KCNN2: variants seen among roughly 807,000 people sequenced by gnomAD.
KCNN2 encodes small conductance calcium-activated potassium channel protein 2.
A neutral mutation model predicts 55.5 loss-of-function variants in KCNN2; 24 were observed. That is an observed-to-expected ratio of 0.43 (90% CI 0.31 to 0.61). KCNN2 has a LOEUF of 0.61. KCNN2 is among the 20% of genes least tolerant of loss of function. KCNN2 has a pLI of 0.08. For missense variants in KCNN2, 754 were observed against 853.6 expected (o/e 0.88, Z 1.45); for synonymous variants, 431 against 336.1 (o/e 1.28, Z -3.09).
chr5:114,365,760 C>G (rs1242608328), intron 2 of KCNN2, among the ~76,000 whole-genome samples: 1 of 152,220 alleles, frequency 6.6e-6, no homozygotes, highest in Non-Finnish European at 1.5e-5. Flanking sequence ...AATGTTCTTA[C>G]ATATTTTTAA....
chr5:114,429,596 A>G (rs951756464), intron 3 of KCNN2, among the ~76,000 whole-genome samples: 1 of 152,026 alleles, frequency 6.6e-6, no homozygotes, highest in African/African-American at 2.4e-5. Flanking sequence ...AGAAGCTTTT[A>G]AGTTTAATGA....
intron 2 of KCNN2, among the ~76,000 whole-genome samples, chr5:114,239,040 G>A (rs1754566392): frequency 1.3e-5 from 2 of 152,164 alleles, no homozygotes; most frequent in Non-Finnish European, 2.9e-5. Context: ...TTATGTTGAT[G>A]AGGATAGGAA....
At chr5:114,453,456 A>T (rs2150106903) in intron 3 of KCNN2, among the ~76,000 whole-genome samples, 1 of 152,336 alleles carries the variant, frequency 6.6e-6, no homozygotes, top group Non-Finnish European at 1.5e-5. Context: ...CCTGGTATTT[A>T]AAAATTTACA....
At chr5:114,390,713 C>T (rs906783384) in intron 2 of KCNN2, among the ~76,000 whole-genome samples, 4 of 152,094 alleles carry the variant, frequency 2.6e-5, no homozygotes, top group Non-Finnish European at 5.9e-5. Context: ...ATAATCCATA[C>T]ACCACAGTGC....
At chr5:114,273,735 A>G (rs552991443) in intron 2 of KCNN2, among the ~76,000 whole-genome samples, 1 of 152,114 alleles carries the variant, frequency 6.6e-6, no homozygotes, top group Non-Finnish European at 1.5e-5. Flanking sequence ...TTCTTTGTAG[A>G]TTCTGGATAT....
chr5:114,195,376 G>C (rs1580608608), intron 1 of KCNN2, among the ~76,000 whole-genome samples: 1 of 151,874 alleles, frequency 6.6e-6, no homozygotes, highest in Non-Finnish European at 1.5e-5. Flanking sequence ...AACAATATTT[G>C]TAGTTTTAAG....
chr5:114,330,350 T>A (rs897716462), intron 2 of KCNN2, among the ~76,000 whole-genome samples: 3 of 152,098 alleles, frequency 2.0e-5, no homozygotes, highest in African/African-American at 4.8e-5. Context: ...GTACTCCACA[T>A]GTTTTCCATT....
chr5:114,300,558 A>G (rs920759752), intron 2 of KCNN2, among the ~76,000 whole-genome samples: 15 of 152,238 alleles, frequency 9.9e-5, no homozygotes, highest in African/African-American at 3.6e-4. Context: ...TCATAAATGT[A>G]GTGAGACCAG....
At chr5:114,232,361 T>C (rs761790122) in intron 2 of KCNN2, among the ~76,000 whole-genome samples, 38 of 151,282 alleles carry the variant, frequency 2.5e-4, no homozygotes, top group Non-Finnish European at 3.4e-4. Context: ...AATCATATAG[T>C]ACTTTCTTCT....
intron 1 of KCNN2, among the ~76,000 whole-genome samples, chr5:114,057,524 C>G (rs1236532069): frequency 6.6e-6 from 1 of 152,222 alleles, no homozygotes; most frequent in Non-Finnish European, 1.5e-5. Context: ...CCCTCTGTGC[C>G]AGGTGCTGTG....
intron 3 of KCNN2, among the ~76,000 whole-genome samples, chr5:114,450,089 C>T (rs972886009): frequency 3.9e-5 from 6 of 152,146 alleles, no homozygotes; most frequent in Admixed American, 6.5e-5. Context: ...AGTGACTGCC[C>T]GCCACACCGT....
intron 1 of KCNN2, among the ~76,000 whole-genome samples, chr5:114,206,575 C>T (rs1461055582): frequency 1.3e-5 from 2 of 152,014 alleles, no homozygotes; most frequent in African/African-American, 4.8e-5. Flanking sequence ...CCTCTTTTCT[C>T]TTCCCATGAT....
At chr5:114,127,319 A>G (rs1751957815) in intron 1 of KCNN2, among the ~76,000 whole-genome samples, 1 of 152,164 alleles carries the variant, frequency 6.6e-6, no homozygotes. Context: ...CTGCCTGAAC[A>G]TGCAGGCGTT....
intron 2 of KCNN2, among the ~76,000 whole-genome samples, chr5:114,304,230 T>A (rs945940536): frequency 1.3e-5 from 2 of 151,950 alleles, no homozygotes; most frequent in South Asian, 4.1e-4. Context: ...AGGTTTGAGG[T>A]TTTTTTCCTC....
At chr5:114,315,459 GTGTGTGTA>G (rs747170508) in intron 2 of KCNN2, among the ~76,000 whole-genome samples, 1,866 of 103,794 alleles carry the variant, frequency 0.018, 23 homozygotes, top group Admixed American at 0.025. Flanking sequence ...GTGTGTGTGT[GTGTGTGTA>G]TATATATATA....
intron 2 of KCNN2, among the ~76,000 whole-genome samples, chr5:114,327,131 T>C (rs932945643): frequency 1.3e-5 from 2 of 152,214 alleles, no homozygotes; most frequent in African/African-American, 4.8e-5. Flanking sequence ...TGATCCCAAA[T>C]GAAAATGATT....
At chr5:114,086,771 G>A (rs1419229927) in intron 1 of KCNN2, among the ~76,000 whole-genome samples, 2 of 152,116 alleles carry the variant, frequency 1.3e-5, no homozygotes, top group Non-Finnish European at 1.5e-5. Flanking sequence ...TTGATAGAAT[G>A]ATTTGTTTTC....
chr5:114,299,555 AG>A (rs1756108444), intron 2 of KCNN2, among the ~76,000 whole-genome samples: 1 of 152,154 alleles, frequency 6.6e-6, no homozygotes, highest in Non-Finnish European at 1.5e-5. Context: ...CTGGGGGGAT[AG>A]GTACTAATGT....
At chr5:114,258,402 G>A (rs899290873) in intron 2 of KCNN2, among the ~76,000 whole-genome samples, 5 of 152,122 alleles carry the variant, frequency 3.3e-5, no homozygotes, top group Admixed American at 1.3e-4. Flanking sequence ...TTGGGGGAAC[G>A]ATTTTGGTAG....
Sources: allele counts gnomAD v4.1 joint callset (sites outside exome capture counted in the v4.1 genomes callset), GRCh38; gene constraint gnomAD v4.1.1; transcripts MANE v1.5; gene names NCBI Gene and HGNC (gene_info 2026-07-23, HGNC 2026-07-21).